PCDHA1: variants seen among roughly 807,000 people sequenced by gnomAD.
PCDHA1 encodes protocadherin alpha-1.
Under a neutral mutation model 61.3 loss-of-function variants are expected in PCDHA1, and 42 were observed. The ratio of observed to expected loss-of-function variants is 0.69; its 90% CI spans 0.54 to 0.89. The LOEUF (loss-of-function observed/expected upper bound fraction) is 0.89, where lower values mean the gene tolerates loss of function less well. Among genes scored for constraint, PCDHA1 ranks in the 40% least tolerant of loss-of-function variants. PCDHA1 has a pLI of 0.00. For synonymous variants in PCDHA1, 610 were observed against 553.8 expected (o/e 1.10, Z -1.43); for missense variants, 1,256 against 1,235.3 (o/e 1.02, Z -0.25).
intron 1 of PCDHA1, among the ~76,000 whole-genome samples, chr5:140,819,205 A>G (rs1431805536): frequency 2.0e-5 from 3 of 152,176 alleles, no homozygotes; most frequent in Non-Finnish European, 4.4e-5. Flanking sequence ...TTATTTATAC[A>G]TTTTTATACA....
At position 140,913,388 on chromosome 5, in the gene PCDHA1, G is replaced by A. The variant is rs180918053; in HGVS notation, c.2395-65561G>A. On this transcript the variant is annotated intron_variant, in intron 1 of 3. Coordinates refer to ENST00000504120, the MANE Select transcript of PCDHA1 (RefSeq NM_018900.4). ...TATTGGCATATAGTGGCTCATCATAGCCACTAATGATCCTTTGAATTCCTG... is the reference window on the plus strand; with the variant it reads ...TATTGGCATATAGTGGCTCATCATAACCACTAATGATCCTTTGAATTCCTG... Among the ~76,000 whole-genome samples, 155 of 152,188 alleles carry A rather than the reference G, an allele frequency of 1.0e-3. 2 individuals are homozygous for A. The highest frequency in any genetic ancestry group is 3.7e-3 in the African/African-American group (152 of 41,534).
At chr5:140,832,047 A>G (rs1581927346) in intron 1 of PCDHA1, among the ~76,000 whole-genome samples, 1 of 152,250 alleles carries the variant, frequency 6.6e-6, no homozygotes, top group Non-Finnish European at 1.5e-5. Flanking sequence ...TAGTGAGGCC[A>G]TAATTACCAA....
intron 1 of PCDHA1, among the ~76,000 whole-genome samples, chr5:140,886,063 G>A (rs547299842): frequency 3.3e-5 from 5 of 152,172 alleles, no homozygotes; most frequent in East Asian, 1.9e-4. Flanking sequence ...TTACAAAAGC[G>A]TAGGGCCATA....
chr5:140,966,541 G>C (rs2096018356), intron 1 of PCDHA1: 3 of 462,844 alleles, frequency 6.5e-6, no homozygotes, highest in African/African-American at 2.0e-5. Context: ...TGAGCGACTC[G>C]GAGGCGAGCG....
intron 1 of PCDHA1, chr5:140,870,144 T>C (rs782683134): frequency 1.9e-6 from 3 of 1,614,058 alleles, no homozygotes; most frequent in Admixed American, 1.7e-5. Flanking sequence ...ATAACTCTCC[T>C]GAAGTCGCCG....
Position 140,850,160 on chromosome 5 carries a change from G to A in PCDHA1, c.2394+61476G>A, listed in dbSNP as rs2150470275. On this transcript the variant is annotated intron_variant, in intron 1 of 3. Coordinates refer to ENST00000504120, the MANE Select transcript of PCDHA1 (RefSeq NM_018900.4). ...GCAACGTGACGCTGCAGGTGTTCGT[G>A]CTGGACGAGAACGACAATGCGCCGG... 5 of 1,595,068 alleles carry A rather than the reference G, an allele frequency of 3.1e-6. No homozygotes were observed. The Admixed American group carries it at 6.7e-5, about 22-fold the overall frequency.
At chr5:140,857,947 G>T (rs782434773) in intron 1 of PCDHA1, 1 of 1,597,414 alleles carries the variant, frequency 6.3e-7, no homozygotes, top group East Asian at 2.2e-5. Flanking sequence ...TCAGTACGAC[G>T]CGCGCTCTGG....
rs1761469763 is a variant in PCDHA1, at chr5:140,788,476, A to G, written c.2186A>G (p.Glu729Gly). The change falls in exon 1 of 4, where the codon GAG becomes GGG. Residue 729 changes from glutamate (E) to glycine (G), a missense_variant. Transcript: ENST00000504120. ...CTGCGGTGCTCAGTGCCGCCCACTGAGGGTGCGTATGTGCCGGGCAAGCCC... is the reference window on the plus strand; with the variant it reads ...CTGCGGTGCTCAGTGCCGCCCACTGGGGGTGCGTATGTGCCGGGCAAGCCC... ...TALRCSVPPT[E>G]GAYVPGKPTL... is the part of the protein sequence containing the mutation. The G allele has an allele frequency of 1.2e-6, 2 of 1,613,868 alleles. No homozygotes were observed. Among genetic ancestry groups the G allele is most frequent in the African/African-American group, 1.3e-5 (1 of 74,888 alleles).
chr5:140,925,409 G>T (rs2082484194), intron 1 of PCDHA1, among the ~76,000 whole-genome samples: 1 of 152,078 alleles, frequency 6.6e-6, no homozygotes, highest in Admixed American at 6.5e-5. Flanking sequence ...CCTTCTTAGG[G>T]AAAGGAACTG....
At chr5:141,005,527 C>A (rs1448254191) in intron 3 of PCDHA1, among the ~76,000 whole-genome samples, 1 of 151,230 alleles carries the variant, frequency 6.6e-6, no homozygotes, top group Non-Finnish European at 1.5e-5. Context: ...CACGGTGAAA[C>A]CCCGTCTCTA....
intron 1 of PCDHA1, among the ~76,000 whole-genome samples, chr5:140,886,194 AAT>A (rs775586198): frequency 9.9e-5 from 15 of 152,172 alleles, no homozygotes; most frequent in Non-Finnish European, 1.9e-4. Context: ...GGCAAGCAGT[AAT>A]CTGTTCTCCA....
At chr5:140,905,704 T>C (rs960569704) in intron 1 of PCDHA1, among the ~76,000 whole-genome samples, 2 of 152,242 alleles carry the variant, frequency 1.3e-5, no homozygotes, top group African/African-American at 4.8e-5. Context: ...TCATTTATGA[T>C]TTCCTTCAGC....
At chr5:140,813,025 C>T (rs2126643316) in intron 1 of PCDHA1, 14 of 152,074 alleles carry the variant, frequency 9.2e-5, no homozygotes, top group Non-Finnish European at 1.6e-4. Flanking sequence ...TTTCAACCTT[C>T]TTGAATTTGT....
At chr5:140,908,706 T>C (rs2074108716) in intron 1 of PCDHA1, among the ~76,000 whole-genome samples, 1 of 152,132 alleles carries the variant, frequency 6.6e-6, no homozygotes, top group South Asian at 2.1e-4. Context: ...TCAAGCACCA[T>C]TGGATCTGCT....
chr5:141,010,105 G>A lies in PCDHA1; in HGVS notation c.*168G>A. 6.2e-7 allele frequency: 1 copy of A among 1,612,150 alleles called. No homozygotes were observed. Among genetic ancestry groups the A allele is most frequent in the African/African-American group, 1.3e-5 (1 of 74,962 alleles). The stretch of plus-strand genomic sequence containing the variant: ...GTCTAGAACGCATTTAACAGGTTTT[G>A]TCGTAAAAGCTTTACTAAGTCTGGT... On this transcript the variant is annotated 3_prime_UTR_variant, in exon 4 of 4. Transcript: ENST00000504120.
chr5:140,873,079 T>TC (rs544069393), intron 1 of PCDHA1, among the ~76,000 whole-genome samples: 14 of 151,958 alleles, frequency 9.2e-5, no homozygotes, highest in African/African-American at 2.4e-4. Context: ...TCTAGCTATT[T>TC]CCCCCCCGTA....
At chr5:140,857,947 G>C in intron 1 of PCDHA1, 1 of 1,597,414 alleles carries the variant, frequency 6.3e-7, no homozygotes, top group Non-Finnish European at 8.6e-7. Flanking sequence ...TCAGTACGAC[G>C]CGCGCTCTGG....
chr5:141,004,871 C>T (rs2098186149), intron 3 of PCDHA1, among the ~76,000 whole-genome samples: 2 of 152,126 alleles, frequency 1.3e-5, no homozygotes, highest in South Asian at 4.1e-4. Context: ...TGTTTCTCAT[C>T]CCTAAAGTGC....
chr5:140,867,957 CA>C (rs1271215913), intron 1 of PCDHA1: 1 of 152,006 alleles, frequency 6.6e-6, no homozygotes, highest in Non-Finnish European at 1.5e-5. Flanking sequence ...CTCCCAAACC[CA>C]AAATTCTTTC....
Sources: gnomAD v4.1 joint callset for allele counts (sites outside exome capture counted in the v4.1 genomes callset) on GRCh38, gnomAD v4.1.1 for gene constraint, MANE v1.5 for transcripts, NCBI Gene and HGNC (gene_info 2026-07-23, HGNC 2026-07-21) for gene names.